The following ACADM variants were observed in gnomAD, a reference collection of about 807,000 sequenced individuals.
ACADM encodes the protein acyl-CoA dehydrogenase medium chain, also known as medium-chain specific acyl-CoA dehydrogenase, mitochondrial.
Under a neutral mutation model 58.9 loss-of-function variants are expected in ACADM, and 49 were observed. The ratio of observed to expected loss-of-function variants is 0.83; its 90% CI spans 0.66 to 1.06. The LOEUF (loss-of-function observed/expected upper bound fraction) is 1.06. Ranked by LOEUF, ACADM falls within the 50% of genes least tolerant of loss-of-function variation. ACADM has a pLI of 0.00. For synonymous variants in ACADM, 160 were observed against 157.7 expected (o/e 1.01, Z -0.11); for missense variants, 496 against 507.0 (o/e 0.98, Z 0.21).
chr1:75,729,843 A>G (rs994204346), intron 2 of ACADM, among the ~76,000 whole-genome samples: 10 of 150,246 alleles, frequency 6.7e-5, no homozygotes, highest in African/African-American at 2.2e-4. Context: ...AGACTAAATG[A>G]AAGTTTTCAA....
intron 8 of ACADM, 67 bp downstream of exon 8, chr1:75,745,981 C>A: frequency 1.8e-6 from 2 of 1,108,396 alleles, no homozygotes; most frequent in Non-Finnish European, 2.7e-6. Context: ...AATTACTTAA[C>A]TTTCCTTTAA....
At chr1:75,731,053 G>A (rs1437160795) in intron 2 of ACADM, among the ~76,000 whole-genome samples, 2 of 151,786 alleles carry the variant, frequency 1.3e-5, no homozygotes, top group Non-Finnish European at 2.9e-5. Context: ...TTGGGAGGCC[G>A]AGGTGGGCGG....
rs752612962 is a variant in ACADM at position 75,732,913 on chromosome 1, G to A, written c.277G>A (p.Glu93Lys). The part of the protein sequence containing the change: ...ELGLMNTHIP[E>K]NCGGLGLGTF... ...TGGTTTAATGAACACACACATTCCA[G>A]AGAACTGTGGTAAGCTTTCTTTATA... Residue 93 changes from glutamate to lysine, a missense_variant, in exon 4 of 12, where the codon GAG becomes AAG. By Grantham distance (56) the Glu-to-Lys change is moderately conservative. Coordinates refer to ENST00000370841, the MANE Select transcript of ACADM (RefSeq NM_000016.6). 3.9e-5 allele frequency: 63 copies of A among 1,613,810 alleles called. No homozygotes were observed. The highest frequency in any genetic ancestry group is 4.7e-5 in the Non-Finnish European group (56 of 1,179,882).
At chr1:75,739,247 T>C (rs1647433779) in intron 6 of ACADM, among the ~76,000 whole-genome samples, 1 of 152,230 alleles carries the variant, frequency 6.6e-6, no homozygotes, top group African/African-American at 2.4e-5. Flanking sequence ...GCCCCTTGTC[T>C]GACTTTCACA....
chr1:75,742,692 T>C (rs1445716229), intron 7 of ACADM, among the ~76,000 whole-genome samples: 1 of 152,044 alleles, frequency 6.6e-6, no homozygotes, highest in Non-Finnish European at 1.5e-5. Flanking sequence ...TGTGTGAGAT[T>C]GTGCCAAGAT....
chr1:75,744,358 A>G, intron 7 of ACADM: 1 of 1,591,620 alleles, frequency 6.3e-7, no homozygotes, highest in East Asian at 2.2e-5. Flanking sequence ...GAGTGTGAAA[A>G]GCGGAGTGCC....
chr1:75,749,568 T>G lies in ACADM; in HGVS notation c.849+9T>G. On this transcript the variant is annotated intron_variant, in intron 9 of 11. Transcript: ENST00000370841. ...ATAAAACCAGACCTGTAGTAAGTAA[T>G]ATGGGTTCATAATCTTTATAGGATC... 1 of 1,611,960 alleles carries G rather than the reference T, an allele frequency of 6.2e-7. No individual in the cohort carries two copies. The highest frequency in any genetic ancestry group is 8.5e-7 in the Non-Finnish European group (1 of 1,178,180).
At chr1:75,731,288 A>G (rs1387690262) in intron 2 of ACADM, among the ~76,000 whole-genome samples, 17 of 148,090 alleles carry the variant, frequency 1.1e-4, no homozygotes, top group Non-Finnish European at 2.4e-4. Context: ...CAAAAAAAAA[A>G]AAAAAAAAAA....
chr1:75,726,070 T>C (rs1284471882), intron 1 of ACADM, among the ~76,000 whole-genome samples: 2 of 152,212 alleles, frequency 1.3e-5, no homozygotes, highest in Admixed American at 1.3e-4. Flanking sequence ...ATGTAACATA[T>C]TTTCCTGAAC....
Position 75,761,153 on chromosome 1 carries a change from T to C in ACADM, c.977T>C (p.Met326Thr), listed in dbSNP as rs786204631. The change falls in exon 11 of 12, where the codon ATG becomes ACG. Residue 326 changes from methionine to threonine, a missense_variant. Met to Thr is a moderately conservative substitution (Grantham distance 81, BLOSUM62 -1). Transcript: ENST00000370841. ...HQAISFMLAE[M>T]AMKVELARMS... ...GCAATATCATTTATGCTGGCTGAAA[T>C]GGCAATGAAAGTTGAACTAGCTAGA... 1.9e-6 allele frequency: 3 copies of C among 1,614,094 alleles called. No homozygotes were observed. Among genetic ancestry groups the C allele is most frequent in the African/African-American group, 1.3e-5 (1 of 75,064 alleles).
At chr1:75,733,002 A>G in intron 4 of ACADM, 80 bp downstream of exon 4, 9 of 1,611,926 alleles carry the variant, frequency 5.6e-6, no homozygotes, top group Non-Finnish European at 7.6e-6. Flanking sequence ...CATTTTTTTC[A>G]AATATTTCTT....
At chr1:75,725,275 T>C (rs540975109) in intron 1 of ACADM, among the ~76,000 whole-genome samples, 1 of 152,006 alleles carries the variant, frequency 6.6e-6, no homozygotes, top group African/African-American at 2.4e-5. Flanking sequence ...CTGCAGAATT[T>C]TATGTGAACT....
intron 10 of ACADM, among the ~76,000 whole-genome samples, chr1:75,752,361 CACA>C (rs2100425580): frequency 6.6e-6 from 1 of 152,278 alleles, no homozygotes; most frequent in South Asian, 2.1e-4. Flanking sequence ...ATAAGAATGT[CACA>C]ACAATGTTAA....
intron 6 of ACADM, among the ~76,000 whole-genome samples, 162 bp downstream of exon 6, chr1:75,735,033 T>A (rs1038606479): frequency 1.3e-5 from 2 of 152,112 alleles, no homozygotes; most frequent in Non-Finnish European, 2.9e-5. Flanking sequence ...GAAAGTATCA[T>A]AATAGGCCGA....
At chr1:75,762,223 T>C (rs533954771) in intron 11 of ACADM, among the ~76,000 whole-genome samples, 1 of 152,034 alleles carries the variant, frequency 6.6e-6, no homozygotes, top group East Asian at 1.9e-4. Flanking sequence ...AAGTTTAGAA[T>C]GGAAATAAGG....
intron 10 of ACADM, among the ~76,000 whole-genome samples, chr1:75,752,791 C>G (rs1055446747): frequency 1.3e-5 from 2 of 152,102 alleles, no homozygotes; most frequent in African/African-American, 4.8e-5. Context: ...TCTTCTAACT[C>G]TTTTATGGTC....
At chr1:75,739,483 T>C (rs987785693) in intron 6 of ACADM, among the ~76,000 whole-genome samples, 3 of 152,210 alleles carry the variant, frequency 2.0e-5, no homozygotes, top group African/African-American at 4.8e-5. Flanking sequence ...TTTGTTGATA[T>C]ACCTATGCCT....
chr1:75,751,775 AG>A (rs1648218609), intron 10 of ACADM, among the ~76,000 whole-genome samples: 1 of 152,114 alleles, frequency 6.6e-6, no homozygotes, highest in African/African-American at 2.4e-5. Flanking sequence ...CTAGGATTAC[AG>A]GCCTGAACCA....
In ACADM at chr1:75,761,163, A is replaced by C; in HGVS notation, c.987A>C (p.Lys329Asn). The change falls in exon 11 of 12, where the codon AAA becomes AAC. Residue 329 changes from lysine (K) to asparagine (N), a missense_variant. Physicochemically the swap from Lys to Asn is moderately conservative, Grantham distance 94. Coordinates refer to ENST00000370841, the MANE Select transcript of ACADM (RefSeq NM_000016.6). The part of the protein sequence containing the change: ...ISFMLAEMAM[K>N]VELARMSYQR... ...TTATGCTGGCTGAAATGGCAATGAAAGTTGAACTAGCTAGAATGAGTTACC... is the reference window on the plus strand; with the variant it reads ...TTATGCTGGCTGAAATGGCAATGAACGTTGAACTAGCTAGAATGAGTTACC... 1 of 1,614,156 alleles carries C rather than the reference A, an allele frequency of 6.2e-7. No individual in the cohort carries two copies. Among genetic ancestry groups the C allele is most frequent in the Non-Finnish European group, 8.5e-7 (1 of 1,179,988 alleles).
Sources: gnomAD v4.1 joint callset for allele counts (sites outside exome capture counted in the v4.1 genomes callset) on GRCh38, gnomAD v4.1.1 for gene constraint, MANE v1.5 for transcripts, NCBI Gene and HGNC (gene_info 2026-07-23, HGNC 2026-07-21) for gene names.